CNTNAP2: variants seen among roughly 807,000 people sequenced by gnomAD.
CNTNAP2 encodes the protein contactin associated protein 2, also known as contactin-associated protein-like 2.
Under a neutral mutation model 155.2 loss-of-function variants are expected in CNTNAP2, and 98 were observed. The ratio of observed to expected loss-of-function variants is 0.63; its 90% CI spans 0.54 to 0.75. CNTNAP2 has a LOEUF of 0.75. Ranked by LOEUF, CNTNAP2 falls within the 30% of genes least tolerant of loss-of-function variation. The pLI is 0.00. For missense variants in CNTNAP2, 1,727 were observed against 1,688.1 expected (o/e 1.02, Z -0.40); for synonymous variants, 651 against 631.2 (o/e 1.03, Z -0.47).
chr7:146,340,879 T>G (rs1302850285), intron 1 of CNTNAP2, among the ~76,000 whole-genome samples: 1 of 152,234 alleles, frequency 6.6e-6, no homozygotes, highest in Non-Finnish European at 1.5e-5. Flanking sequence ...AATAAAAGAA[T>G]ACTTCACTTT....
intron 1 of CNTNAP2, among the ~76,000 whole-genome samples, chr7:146,322,882 C>A: frequency 6.6e-6 from 1 of 151,478 alleles, no homozygotes. Flanking sequence ...TGTGAATTTG[C>A]TTTTATTATA....
intron 1 of CNTNAP2, among the ~76,000 whole-genome samples, chr7:146,618,259 T>C (rs1468399643): frequency 1.3e-5 from 2 of 152,198 alleles, no homozygotes; most frequent in South Asian, 4.1e-4. Context: ...GGAGGTTCAA[T>C]ACCTTTGAAT....
intron 10 of CNTNAP2, among the ~76,000 whole-genome samples, chr7:147,451,641 TG>T (rs1797835673): frequency 6.6e-6 from 1 of 151,960 alleles, no homozygotes; most frequent in Non-Finnish European, 1.5e-5. Context: ...GCCACAGCTC[TG>T]CCCATCATAA....
At chr7:146,902,305 C>G (rs1026555777) in intron 3 of CNTNAP2, among the ~76,000 whole-genome samples, 1 of 152,136 alleles carries the variant, frequency 6.6e-6, no homozygotes, top group African/African-American at 2.4e-5. Context: ...TTTAATCCCT[C>G]TTCTGAATCT....
At chr7:146,976,418 T>G (rs1404882686) in intron 3 of CNTNAP2, among the ~76,000 whole-genome samples, 1 of 152,180 alleles carries the variant, frequency 6.6e-6, no homozygotes, top group Non-Finnish European at 1.5e-5. Flanking sequence ...CAGGCTCTTT[T>G]ACCTGTGCTT....
chr7:147,488,164 A>C (rs150305981), intron 11 of CNTNAP2, among the ~76,000 whole-genome samples: 1 of 152,356 alleles, frequency 6.6e-6, no homozygotes, highest in African/African-American at 2.4e-5. Context: ...TAAAAATTTC[A>C]CACAGCACAA....
intron 12 of CNTNAP2, among the ~76,000 whole-genome samples, chr7:147,597,857 G>A (rs1415362609): frequency 6.6e-6 from 1 of 152,152 alleles, no homozygotes; most frequent in African/African-American, 2.4e-5. Context: ...TCTGCTTCAG[G>A]TTCTTTGCTA....
At chr7:148,328,902 G>A (rs1797938062) in intron 21 of CNTNAP2, among the ~76,000 whole-genome samples, 1 of 150,206 alleles carries the variant, frequency 6.7e-6, no homozygotes, top group South Asian at 2.1e-4. Flanking sequence ...CTTGAATCTG[G>A]GAGGCGGAGC....
At chr7:148,324,209 A>G (rs890974465) in intron 21 of CNTNAP2, among the ~76,000 whole-genome samples, 7 of 151,962 alleles carry the variant, frequency 4.6e-5, no homozygotes, top group Non-Finnish European at 8.8e-5. Context: ...TAATTTTCCA[A>G]ATGAAGGTGA....
chr7:147,253,638 C>CT (rs1267891315), intron 8 of CNTNAP2, among the ~76,000 whole-genome samples: 1 of 152,094 alleles, frequency 6.6e-6, no homozygotes, highest in Non-Finnish European at 1.5e-5. Context: ...GTGAGCAAAA[C>CT]TGTTTCTTCC....
chr7:148,150,102 CAAAAAAAAAA>C lies in CNTNAP2; in HGVS notation c.2773+2412_2773+2421del, dbSNP rs71188948. Among the ~76,000 whole-genome samples the C allele has an allele frequency of 2.5e-3, 212 of 84,524 alleles. 5 individuals are homozygous for C. The highest frequency in any genetic ancestry group is 7.6e-3 in the Middle Eastern group (1 of 132). The allele number at this position is 84,524 out of a possible 152,430, so 55.5% of individuals were successfully genotyped here. ...TCAGGTGAAGTGAGAGGGGTTGTTA[CAAAAAAAAAA>C]AAAAAAAAAAAAAAAAAAGGACGGC... On this transcript the variant is annotated intron_variant, in intron 17 of 23. Transcript: ENST00000361727.
chr7:148,331,243 A>ATGGAGTG (rs1798000625), intron 21 of CNTNAP2, among the ~76,000 whole-genome samples: 1 of 8,496 alleles, frequency 1.2e-4, no homozygotes, highest in African/African-American at 6.6e-4. Context: ...TGGATGGAAC[A>ATGGAGTG]GATGGATGGA....
chr7:147,795,333 C>T (rs899560774), intron 13 of CNTNAP2, among the ~76,000 whole-genome samples: 6 of 151,910 alleles, frequency 3.9e-5, no homozygotes, highest in African/African-American at 7.2e-5. Context: ...AATCTATTCA[C>T]TTTTAATGTT....
intron 14 of CNTNAP2, among the ~76,000 whole-genome samples, chr7:147,963,650 T>G (rs1214529793): frequency 1.3e-5 from 2 of 152,086 alleles, no homozygotes; most frequent in Non-Finnish European, 2.9e-5. Flanking sequence ...ACACGCGAAA[T>G]GCTGAAACAG....
intron 3 of CNTNAP2, among the ~76,000 whole-genome samples, chr7:146,942,991 C>A (rs1020392291): frequency 3.9e-5 from 6 of 152,018 alleles, no homozygotes; most frequent in Admixed American, 6.6e-5. Context: ...TACATGTTGG[C>A]TTAAAACTGT....
intron 13 of CNTNAP2, among the ~76,000 whole-genome samples, chr7:147,784,252 C>A (rs1797698659): frequency 6.6e-6 from 1 of 151,282 alleles, no homozygotes; most frequent in East Asian, 1.9e-4. Context: ...GGGATTAGAA[C>A]TTCAACGTAA....
intron 3 of CNTNAP2, among the ~76,000 whole-genome samples, chr7:146,841,467 C>A (rs12334041): frequency 6.6e-6 from 1 of 151,910 alleles, no homozygotes; most frequent in Non-Finnish European, 1.5e-5. Flanking sequence ...GATCACAGAC[C>A]CTTCTAACAC....
At chr7:148,201,216 G>A (rs1288576924) in intron 18 of CNTNAP2, among the ~76,000 whole-genome samples, 2 of 152,180 alleles carry the variant, frequency 1.3e-5, no homozygotes, top group Admixed American at 6.5e-5. Flanking sequence ...TGGTTGCCAC[G>A]TGCCTTCGCT....
chr7:147,958,880 A>C (rs1801069481), intron 14 of CNTNAP2, among the ~76,000 whole-genome samples: 1 of 152,148 alleles, frequency 6.6e-6, no homozygotes, highest in South Asian at 2.1e-4. Flanking sequence ...CACTATTGCT[A>C]AATACAGATT....
Sources: gnomAD v4.1 joint callset for allele counts (sites outside exome capture counted in the v4.1 genomes callset) on GRCh38, gnomAD v4.1.1 for gene constraint, MANE v1.5 for transcripts, NCBI Gene and HGNC (gene_info 2026-07-23, HGNC 2026-07-21) for gene names.